The following MEGF6 variants were observed in gnomAD, a reference collection of about 807,000 sequenced individuals.
The protein encoded by MEGF6 is multiple epidermal growth factor-like domains protein 6.
In MEGF6, 184 loss-of-function variants were observed where a neutral mutation model predicts 207.1. That is an observed-to-expected ratio of 0.89 (90% CI 0.79 to 1.00). MEGF6 has a LOEUF of 1.00. Ranked by LOEUF, MEGF6 falls within the 50% of genes least tolerant of loss-of-function variation. The probability of loss-of-function intolerance (pLI) is 0.00; values close to 1 mark genes in which losing one functional copy is unlikely to be tolerated. For synonymous variants in MEGF6, 1,038 were observed against 910.0 expected (o/e 1.14, Z -2.53); for missense variants, 2,282 against 2,202.9 (o/e 1.04, Z -0.72).
chr1:3,492,060 G>A (rs1215679560), intron 35 of MEGF6, among the ~76,000 whole-genome samples: 1 of 152,036 alleles, frequency 6.6e-6, no homozygotes. Context: ...GGTGCCTGCT[G>A]CCTGTGCAGG....
chr1:3,507,672 T>C, intron 14 of MEGF6, 123 bp downstream of exon 14: 1 of 1,307,116 alleles, frequency 7.7e-7, no homozygotes, highest in Non-Finnish European at 1.1e-6. Context: ...TAGGAAAAGT[T>C]TGGTAGCAGT....
intron 4 of MEGF6, among the ~76,000 whole-genome samples, chr1:3,570,406 G>A (rs956547695): frequency 2.0e-5 from 3 of 152,248 alleles, no homozygotes; most frequent in Non-Finnish European, 4.4e-5. Flanking sequence ...TGCAGTTAAA[G>A]AGGATGTGCG....
At chr1:3,497,894 C>T (rs1004528380) in intron 26 of MEGF6, among the ~76,000 whole-genome samples, 1 of 152,120 alleles carries the variant, frequency 6.6e-6, no homozygotes, top group East Asian at 1.9e-4. Context: ...GGTGGGAGGC[C>T]GGGGCTTTGA....
chr1:3,581,563 C>T (rs1643799035), intron 3 of MEGF6, among the ~76,000 whole-genome samples: 1 of 152,204 alleles, frequency 6.6e-6, no homozygotes, highest in Non-Finnish European at 1.5e-5. Context: ...AGGCCTGATG[C>T]CTGCTGACTT....
intron 4 of MEGF6, among the ~76,000 whole-genome samples, chr1:3,564,808 C>A (rs1643301158): frequency 6.6e-6 from 1 of 152,214 alleles, no homozygotes; most frequent in African/African-American, 2.4e-5. Context: ...CCTTCACCCC[C>A]ATCTGGGCCC....
chr1:3,563,687 C>T (rs1570145463), intron 4 of MEGF6, among the ~76,000 whole-genome samples: 2 of 152,234 alleles, frequency 1.3e-5, no homozygotes, highest in African/African-American at 2.4e-5. Flanking sequence ...GCTCCCCTGA[C>T]ACCCCTAAGA....
At chr1:3,499,326 A>G in intron 23 of MEGF6, 60 bp from the exon 24 acceptor site, 9 of 1,541,950 alleles carry the variant, frequency 5.8e-6, no homozygotes, top group Non-Finnish European at 7.0e-6. Context: ...GGTTGGCAGC[A>G]GATCACAGCC....
chr1:3,498,910 G>T lies in MEGF6; in HGVS notation c.3095-84C>A. The T allele has an allele frequency of 3.3e-6, 5 of 1,508,952 alleles. No individual in the cohort carries two copies. The Admixed American group carries it at 1.0e-4, about 30-fold the overall frequency. The allele number at this position is 1,508,952 out of a possible 1,614,324, so 93.5% of individuals were successfully genotyped here. ...TGTCTGGCTTTCCAGCCCCATGTTGGACTTTGGGGTCAGGCACCTTGCAGG... is the reference window on the plus strand; with the variant it reads ...TGTCTGGCTTTCCAGCCCCATGTTGTACTTTGGGGTCAGGCACCTTGCAGG... On this transcript the variant is annotated intron_variant, in intron 24 of 36. Transcript: ENST00000356575.
intron 4 of MEGF6, among the ~76,000 whole-genome samples, chr1:3,525,867 G>T (rs111759459): frequency 2.0e-5 from 3 of 152,162 alleles, no homozygotes; most frequent in Non-Finnish European, 4.4e-5. Flanking sequence ...GGCCCCCCTC[G>T]CCAAGCTGGG....
chr1:3,501,987 C>CT (rs1640895905), intron 17 of MEGF6, 66 bp from the exon 18 acceptor site: 1 of 989,100 alleles, frequency 1.0e-6, no homozygotes, highest in African/African-American at 5.0e-5. Context: ...AGCCTTTCCC[C>CT]CAGGGGCTCC....
At chr1:3,605,630 G>A (rs557379372) in intron 1 of MEGF6, among the ~76,000 whole-genome samples, 18 of 151,848 alleles carry the variant, frequency 1.2e-4, no homozygotes, top group African/African-American at 2.4e-4. Flanking sequence ...TCATGCACAC[G>A]CACACTTCTG....
rs757418157 is a variant in MEGF6, at chr1:3,595,320, G to A, written c.376+18C>T. On this transcript the variant is annotated intron_variant, in intron 3 of 36. Transcript: ENST00000356575. ...GGTGGAGGTGGAGGGAGGGCGGGGA[G>A]GCGCAGGCGGCACTCACCCGAGAGG... 3.6e-5 allele frequency: 57 copies of A among 1,580,562 alleles called. No homozygotes were observed. Among genetic ancestry groups the A allele is most frequent in the Non-Finnish European group, 4.5e-5 (52 of 1,151,708 alleles).
intron 4 of MEGF6, among the ~76,000 whole-genome samples, chr1:3,550,421 TG>T (rs957827139): frequency 5.3e-5 from 8 of 152,048 alleles, no homozygotes; most frequent in African/African-American, 1.9e-4. Flanking sequence ...TGGGGTCTCC[TG>T]GGAGGGTGAG....
At chr1:3,581,279 C>G (rs12084388) in intron 3 of MEGF6, among the ~76,000 whole-genome samples, 3,764 of 152,238 alleles carry the variant, frequency 0.025, 157 homozygotes, top group African/African-American at 0.086. Context: ...CTCCTGCAAT[C>G]ACAGCCACTA....
chr1:3,581,181 C>G (rs1301110120), intron 3 of MEGF6, among the ~76,000 whole-genome samples: 2 of 152,168 alleles, frequency 1.3e-5, no homozygotes. Flanking sequence ...CCAAGGCCAG[C>G]ACCCAAACCT....
intron 2 of MEGF6, among the ~76,000 whole-genome samples, chr1:3,597,286 C>T (rs528816637): frequency 1.3e-5 from 2 of 152,182 alleles, no homozygotes; most frequent in African/African-American, 2.4e-5. Context: ...CCCCAGGATC[C>T]GCCTGCCCAC....
intron 4 of MEGF6, among the ~76,000 whole-genome samples, chr1:3,564,581 C>T (rs771319786): frequency 1.1e-4 from 17 of 152,134 alleles, no homozygotes; most frequent in Non-Finnish European, 2.1e-4. Flanking sequence ...GTTGCCCTGG[C>T]CACCAGCCCA....
At chr1:3,491,068 C>T in intron 35 of MEGF6, 109 bp from the exon 36 acceptor site, 1 of 1,039,026 alleles carries the variant, frequency 9.6e-7, no homozygotes, top group Non-Finnish European at 1.4e-6. Context: ...TCCACTTCCC[C>T]CGCACAGTCT....
chr1:3,605,094 ACACT>A (rs1455359588), intron 1 of MEGF6, among the ~76,000 whole-genome samples: 9 of 151,766 alleles, frequency 5.9e-5, no homozygotes, highest in East Asian at 5.8e-4. Flanking sequence ...ACACAAACTC[ACACT>A]CAATCACACA....
Sources: allele counts gnomAD v4.1 joint callset (sites outside exome capture counted in the v4.1 genomes callset), GRCh38; gene constraint gnomAD v4.1.1; transcripts MANE v1.5; gene names NCBI Gene and HGNC (gene_info 2026-07-23, HGNC 2026-07-21).